ENOSF1: variants seen among roughly 807,000 people sequenced by gnomAD.
ENOSF1 encodes enolase superfamily member 1.
Under a neutral mutation model 68.2 loss-of-function variants are expected in ENOSF1, and 73 were observed. The ratio of observed to expected loss-of-function variants is 1.07; its 90% CI spans 0.89 to 1.30. ENOSF1 has a LOEUF of 1.30. Among genes scored for constraint, ENOSF1 ranks in the 50% most tolerant of loss-of-function variants. The pLI is 0.00. For missense variants in ENOSF1, 589 were observed against 554.5 expected, an observed-to-expected ratio of 1.06 and a Z score of -0.62; for synonymous variants, 223 against 210.4, an observed-to-expected ratio of 1.06 and a Z score of -0.52.
In ENOSF1 at chr18:697,210, T is replaced by A. The variant is rs777799236; in HGVS notation, c.309+30A>T. The A allele has an allele frequency of 6.8e-6, 10 of 1,460,936 alleles. No homozygotes were observed. In the Admixed American group the frequency reaches 1.3e-4, roughly 20 times the overall value. 90.5% of individuals were successfully genotyped at this position (1,460,936 alleles called of 1,614,324 possible). ...TCTCAGACCTTGGTAATATTACTTA[T>A]GTAAGCATTTTACAAAATAGGTCCC... On this transcript the variant is annotated intron_variant, in intron 3 of 15. Coordinates refer to ENST00000647584, the MANE Select transcript of ENOSF1 (RefSeq NM_017512.7).
intron 14 of ENOSF1, 160 bp from the exon 15 acceptor site, chr18:675,562 G>A: frequency 1.6e-6 from 1 of 628,570 alleles, no homozygotes; most frequent in South Asian, 1.9e-5. Context: ...AAACCTCTGT[G>A]CCTCAGGTCC....
chr18:699,759 A>G (rs377678235), intron 2 of ENOSF1, among the ~76,000 whole-genome samples: 1 of 152,192 alleles, frequency 6.6e-6, no homozygotes, highest in Non-Finnish European at 1.5e-5. Flanking sequence ...TTTACTGTCA[A>G]TAAGATCTTG....
intron 3 of ENOSF1, 25 bp downstream of exon 3, chr18:697,215 G>GTAATATTA: frequency 6.6e-7 from 1 of 1,506,620 alleles, no homozygotes; most frequent in Non-Finnish European, 9.2e-7. Context: ...ACTTATGTAA[G>GTAATATTA]CATTTTACAA....
chr18:711,341 G>C, intron 1 of ENOSF1, among the ~76,000 whole-genome samples: 1 of 152,150 alleles, frequency 6.6e-6, no homozygotes, highest in Middle Eastern at 3.4e-3. Context: ...TAATGTAATG[G>C]ACACCAGCTT....
chr18:712,294 C>A, intron 1 of ENOSF1: 9 of 1,521,952 alleles, frequency 5.9e-6, no homozygotes, highest in Admixed American at 2.0e-5. Flanking sequence ...AGTCGGGAAG[C>A]TGCCCGGGGC....
At position 677,462 on chromosome 18, in the gene ENOSF1, C is replaced by A. The variant is rs1015225204; in HGVS notation, c.1049-18G>T. 6.2e-7 allele frequency: 1 copy of A among 1,606,742 alleles called. No individual in the cohort carries two copies. On this transcript the variant is annotated intron_variant, in intron 13 of 15. Coordinates refer to ENST00000647584, the MANE Select transcript of ENOSF1 (RefSeq NM_017512.7). ...AACAGGAACTAAAAGGAAATCGTTTCTATTTAATACCAAGAGTAGGGCAGG... is the reference window on the plus strand; with the variant it reads ...AACAGGAACTAAAAGGAAATCGTTTATATTTAATACCAAGAGTAGGGCAGG...
intron 2 of ENOSF1, among the ~76,000 whole-genome samples, chr18:700,251 G>A (rs1342732508): frequency 3.3e-5 from 5 of 152,148 alleles, no homozygotes; most frequent in Admixed American, 3.3e-4. Context: ...TTCTGGTTCA[G>A]ACATTCATTC....
rs112622001 is a variant in ENOSF1 at position 690,578 on chromosome 18, G to A, written c.589C>T (p.Leu197=). 1.2e-5 allele frequency: 19 copies of A among 1,614,206 alleles called. No homozygotes were observed. The highest frequency in any genetic ancestry group is 3.3e-4 in the Middle Eastern group (2 of 6,062). Residue 197 remains leucine, a synonymous_variant, in exon 8 of 16, where the codon CTG becomes TTG. Coordinates refer to ENST00000647584, the MANE Select transcript of ENOSF1 (RefSeq NM_017512.7). ...TTCAACGTGTCATCTGAGTACCCCA[G>A]CCAGGCGCACGATGTCGTGTAAGCA... ...YPAYTTSCAW[L]GYSDDTLKQL... is the part of the protein sequence containing the mutation.
intron 5 of ENOSF1, chr18:691,679 T>C (rs1345628952): frequency 5.7e-6 from 1 of 176,318 alleles, no homozygotes; most frequent in East Asian, 1.6e-4. Context: ...GCTCATTCTT[T>C]CCTGGCAGGG....
Position 677,214 on chromosome 18 carries a change from G to A in ENOSF1, c.1148+131C>T, listed in dbSNP as rs7229142. ...TCTCTGTGAAAGCAAAACCAACTCC[G>A]CCTGAGAGTTATAGGACATGCCAGC... On this transcript the variant is annotated intron_variant, in intron 14 of 15. Transcript: ENST00000647584. 240,314 of 723,236 alleles carry A rather than the reference G, an allele frequency of 0.33. 41,457 individuals carry two copies. Among genetic ancestry groups the A allele is most frequent in the East Asian group, 0.47 (15,545 of 33,166 alleles). 44.8% of individuals were successfully genotyped at this position (723,236 alleles called of 1,614,324 possible).
chr18:687,560 A>G (rs923176961), intron 9 of ENOSF1: 3 of 152,194 alleles, frequency 2.0e-5, no homozygotes, highest in African/African-American at 4.8e-5. Flanking sequence ...TCACAGGCAA[A>G]AAGTGCCACC....
chr18:695,220 A>T lies in ENOSF1; in HGVS notation c.310-886T>A, dbSNP rs1019334003. Among the ~76,000 whole-genome samples, 13 of 152,178 alleles carry T rather than the reference A, an allele frequency of 8.5e-5. 1 individual carries two copies. The highest frequency in any genetic ancestry group is 3.1e-4 in the African/African-American group (13 of 41,454). ...TTAGCATTTTAAAAGAGTACAGGCC[A>T]CTTGATTTGTACAGCATTCCTCAAT... On this transcript the variant is annotated intron_variant, in intron 3 of 15. Coordinates refer to ENST00000647584, the MANE Select transcript of ENOSF1 (RefSeq NM_017512.7).
chr18:686,414 A>C, intron 9 of ENOSF1: 1 of 172,278 alleles, frequency 5.8e-6, no homozygotes. Flanking sequence ...TGGTTTACAA[A>C]GGAGAGCTTT....
At chr18:679,659 A>T (rs2075882480) in intron 11 of ENOSF1, among the ~76,000 whole-genome samples, 1 of 151,670 alleles carries the variant, frequency 6.6e-6, no homozygotes, top group African/African-American at 2.4e-5. Context: ...TAGAGTCCTC[A>T]CCTGGTGAGG....
rs1370259687 is a variant in ENOSF1 at position 671,724 on chromosome 18, AGG to A, written c.*2579_*2580del. ...CATTCAAGCCAGGGGATTGTCCAAA[AGG>A]GGGCATTTTAACTCATTTTAACTTG... On this transcript the variant is annotated 3_prime_UTR_variant, in exon 16 of 16. Coordinates refer to ENST00000647584, the MANE Select transcript of ENOSF1 (RefSeq NM_017512.7). The A allele has an allele frequency of 4.2e-6, 2 of 472,274 alleles. No individual in the cohort carries two copies. Among genetic ancestry groups the A allele is most frequent in the Non-Finnish European group, 7.4e-6 (2 of 269,082 alleles). 29.3% of individuals were successfully genotyped at this position (472,274 alleles called of 1,614,324 possible).
chr18:678,955 C>T (rs562757218), intron 11 of ENOSF1, among the ~76,000 whole-genome samples: 49 of 152,306 alleles, frequency 3.2e-4, no homozygotes, highest in African/African-American at 1.1e-3. Context: ...CCACCACCAG[C>T]CCCGTTCCTG....
Position 675,309 on chromosome 18 carries a change from G to T in ENOSF1, c.1230+12C>A. On this transcript the variant is annotated intron_variant, in intron 15 of 15. Transcript: ENST00000647584. ...GCATCTCTTCTACAGGGGCCCTCAGGCCACAGCTTACCTTGGGAGGCATGT... is the reference window on the plus strand; with the variant it reads ...GCATCTCTTCTACAGGGGCCCTCAGTCCACAGCTTACCTTGGGAGGCATGT... The T allele has an allele frequency of 6.2e-7, 1 of 1,606,116 alleles. No individual in the cohort carries two copies. Among genetic ancestry groups the T allele is most frequent in the Non-Finnish European group, 8.5e-7 (1 of 1,176,702 alleles).
chr18:671,272 A>G lies in ENOSF1; in HGVS notation c.*3033T>C. ...AAAAATGGAAAAGCTACACTAAATT[A>G]TTTTTTTAAAAAAAGCCTTGCGGTG... On this transcript the variant is annotated 3_prime_UTR_variant, in exon 16 of 16. Transcript: ENST00000647584. The G allele has an allele frequency of 1.2e-6, 1 of 809,632 alleles. No individual in the cohort carries two copies. Among genetic ancestry groups the G allele is most frequent in the East Asian group, 2.4e-5 (1 of 40,958 alleles). 50.2% of individuals were successfully genotyped at this position (809,632 alleles called of 1,614,324 possible).
chr18:693,248 C>T, intron 5 of ENOSF1: 1 of 1,288,826 alleles, frequency 7.8e-7, no homozygotes, highest in East Asian at 5.6e-5. Flanking sequence ...GAGCTCCTTC[C>T]CTGCTGGAAT....
Sources: allele counts gnomAD v4.1 joint callset (sites outside exome capture counted in the v4.1 genomes callset), GRCh38; gene constraint gnomAD v4.1.1; transcripts MANE v1.5; gene names NCBI Gene and HGNC (gene_info 2026-07-23, HGNC 2026-07-21).